Variants in ADA2 observed in about 807,000 individuals in gnomAD.
ADA2 encodes the protein adenosine deaminase 2.
Under a neutral mutation model 44.2 loss-of-function variants are expected in ADA2, and 29 were observed. The observed-to-expected ratio is 0.66, with a 90% CI of 0.49 to 0.89. The LOEUF (loss-of-function observed/expected upper bound fraction) is 0.89, where lower values mean the gene tolerates loss of function less well. ADA2 is among the 40% of genes least tolerant of loss of function. The pLI is 0.00. For missense variants in ADA2, 637 were observed against 644.8 expected (o/e 0.99, Z 0.13); for synonymous variants, 215 against 234.9 (o/e 0.92, Z 0.77).
In ADA2 at chr22:17,207,139, T is replaced by G. The variant is rs1317479109; in HGVS notation, c.474A>C (p.Lys158Asn). 6.2e-7 allele frequency: 1 copy of G among 1,614,102 alleles called. No homozygotes were observed. Among genetic ancestry groups the G allele is most frequent in the African/African-American group, 1.3e-5 (1 of 74,950 alleles). Residue 158 changes from lysine (K) to asparagine (N), a missense_variant, in exon 3 of 10, where the codon AAA (lysine) becomes AAC (asparagine). Transcript: ENST00000399837. ...FAHPTPRPSE[K>N]CSKWILLEDY... is the part of the protein sequence containing the mutation. Reference sequence around the variant, plus strand: ...CCTCCAGCAGAATCCACTTGGAACATTTTTCTGATGGACGGGGAGTTGGGT... The same window carrying G: ...CCTCCAGCAGAATCCACTTGGAACAGTTTTCTGATGGACGGGGAGTTGGGT...
In ADA2 at chr22:17,209,719, C is replaced by CTCTCCTTT; in HGVS notation, c.-43_-42insAAAGGAGA. ...GGAAAGGGCTCAGATGGAGACTCCA[C>CTCTCCTTT]GGGACTGCAAAGGAGAGTGGGGGAG... On this transcript the variant is annotated 5_prime_UTR_variant, in exon 2 of 10. Transcript: ENST00000399837. 1 of 1,531,768 alleles carries CTCTCCTTT rather than the reference C, an allele frequency of 6.5e-7. No homozygotes were observed. Among genetic ancestry groups the CTCTCCTTT allele is most frequent in the Non-Finnish European group, 8.9e-7 (1 of 1,121,100 alleles). 94.9% of individuals were successfully genotyped at this position (1,531,768 alleles called of 1,614,324 possible). A position where few individuals can be genotyped will look rare whatever the true frequency, so the allele number is the denominator to read the frequency against.
intron 1 of ADA2, chr22:17,213,891 T>C (rs2062443187): frequency 6.8e-6 from 2 of 295,028 alleles, no homozygotes; most frequent in Non-Finnish European, 1.3e-5. Context: ...TACAAAAAAT[T>C]AGCTGGGCGT....
chr22:17,193,225 C>T, intron 4 of ADA2: 1 of 1,125,084 alleles, frequency 8.9e-7, no homozygotes, highest in Admixed American at 1.8e-5. Flanking sequence ...CTCTAAGAAC[C>T]ACGAAGCCAT....
At chr22:17,198,667 C>T (rs969339764) in intron 4 of ADA2, 3 of 152,152 alleles carry the variant, frequency 2.0e-5, no homozygotes, top group African/African-American at 7.2e-5. Flanking sequence ...ACCGACGTGT[C>T]TCCCATAAGC....
intron 7 of ADA2, among the ~76,000 whole-genome samples, chr22:17,184,948 G>A (rs4998793): frequency 7.6e-4 from 3 of 3,950 alleles, no homozygotes; most frequent in South Asian, 4.7e-3. Flanking sequence ...TCACACCACC[G>A]CACTCTAGCC....
chr22:17,194,434 C>T (rs5748937), intron 4 of ADA2, among the ~76,000 whole-genome samples: 8,068 of 152,288 alleles, frequency 0.053, 282 homozygotes, highest in Admixed American at 0.094. Flanking sequence ...TGGGCAGTCC[C>T]TCAGATCCCC....
Position 17,207,090 on chromosome 22 carries a change from C to A in ADA2, c.523G>T (p.Val175Phe), listed in dbSNP as rs757839578. 1.2e-6 allele frequency: 2 copies of A among 1,614,104 alleles called. No homozygotes were observed. The highest frequency in any genetic ancestry group is 4.5e-5 in the East Asian group (2 of 44,886). ...ACTCACCTGTCATCAAACTCAGTGACGTTCTGCACCCGCTTCCGATAATCC... is the reference window on the plus strand; with the variant it reads ...ACTCACCTGTCATCAAACTCAGTGAAGTTCTGCACCCGCTTCCGATAATCC... ...LEDYRKRVQN[V>F]TEFDDSLLRN... is the part of the protein sequence containing the mutation. Residue 175 changes from valine (V) to phenylalanine (F), a missense_variant, in exon 3 of 10, where the codon GTC becomes TTC. Coordinates refer to ENST00000399837, the MANE Select transcript of ADA2 (RefSeq NM_001282225.2).
chr22:17,221,470 A>T (rs1203941770), upstream of ADA2, among the ~76,000 whole-genome samples: 4 of 147,960 alleles, frequency 2.7e-5, no homozygotes, highest in African/African-American at 7.4e-5. Context: ...CTGGTGTGTG[A>T]TGTTCCCCTT....
In ADA2 at chr22:17,199,888, T is replaced by C. The variant is rs2062254071; in HGVS notation, c.753+3675A>G. The C allele has an allele frequency of 7.3e-6, 4 of 550,498 alleles. No homozygotes were observed. The Admixed American group carries it at 1.5e-4, about 20-fold the overall frequency. The allele number at this position is 550,498 out of a possible 1,614,324, so 34.1% of individuals were successfully genotyped here. The stretch of plus-strand genomic sequence containing the variant: ...TGAGCTCAGGAGTTCCAGACCAGCC[T>C]GGGCAATATGGTAAAACCCCATCTC... On this transcript the variant is annotated intron_variant, in intron 4 of 9. Coordinates refer to ENST00000399837, the MANE Select transcript of ADA2 (RefSeq NM_001282225.2).
intron 4 of ADA2, among the ~76,000 whole-genome samples, chr22:17,194,019 G>GA (rs34572644): frequency 0.54 from 66,243 of 122,854 alleles, 16,292 homozygotes; most frequent in South Asian, 0.63. Context: ...AAAAAGGAAT[G>GA]AAAAAAAAAA....
At chr22:17,197,776 C>A (rs1218974149) in intron 4 of ADA2, among the ~76,000 whole-genome samples, 1 of 152,192 alleles carries the variant, frequency 6.6e-6, no homozygotes, top group South Asian at 2.1e-4. Context: ...CGGTGGCTCA[C>A]GCCTATAATC....
At chr22:17,201,113 G>A (rs1463001152) in intron 4 of ADA2, among the ~76,000 whole-genome samples, 2 of 151,780 alleles carry the variant, frequency 1.3e-5, no homozygotes, top group Non-Finnish European at 2.9e-5. Context: ...GGAGGCTGAG[G>A]CACGAGAATC....
At chr22:17,196,118 G>A (rs2062187593) in intron 4 of ADA2, among the ~76,000 whole-genome samples, 2 of 151,812 alleles carry the variant, frequency 1.3e-5, no homozygotes, top group African/African-American at 2.4e-5. Flanking sequence ...GGGCCAAGGC[G>A]AGTGGATCAC....
intron 4 of ADA2, among the ~76,000 whole-genome samples, chr22:17,201,260 A>G (rs1313557959): frequency 1.3e-5 from 2 of 152,100 alleles, no homozygotes; most frequent in Non-Finnish European, 2.9e-5. Context: ...CTGATGAAGC[A>G]TAAGTGTCTG....
rs1180307271 is a variant in ADA2 at position 17,181,368 on chromosome 22, C to T, written c.*115G>A. On this transcript the variant is annotated 3_prime_UTR_variant, in exon 10 of 10. Coordinates refer to ENST00000399837, the MANE Select transcript of ADA2 (RefSeq NM_001282225.2). The stretch of plus-strand genomic sequence containing the variant: ...GCCAGCCAAGTGCTTCTCACAGGGT[C>T]GCTCCATACAGAGGCCATTGATTTC... 18 of 741,618 alleles carry T rather than the reference C, an allele frequency of 2.4e-5. No individual in the cohort carries two copies. Among genetic ancestry groups the T allele is most frequent in the Admixed American group, 1.9e-4 (10 of 53,584 alleles). 45.9% of individuals were successfully genotyped at this position (741,618 alleles called of 1,614,324 possible).
intron 4 of ADA2, among the ~76,000 whole-genome samples, chr22:17,197,786 C>T (rs1040882416): frequency 1.8e-4 from 27 of 152,182 alleles, no homozygotes; most frequent in Admixed American, 1.7e-3. Flanking sequence ...CGCCTATAAT[C>T]CTAGCACTTT....
At chr22:17,189,006 A>C (rs9606643) in intron 6 of ADA2, among the ~76,000 whole-genome samples, 116,685 of 142,892 alleles carry the variant, frequency 0.82, 47,890 homozygotes, top group Middle Eastern at 0.88. Context: ...ACTGCCCTGG[A>C]CTAATCTAGA....
intron 4 of ADA2, chr22:17,199,863 T>C (rs1328832954): frequency 4.8e-6 from 4 of 835,140 alleles, no homozygotes; most frequent in Non-Finnish European, 6.7e-6. Context: ...TGTATTTGCC[T>C]GAGCTCAGGA....
At chr22:17,188,504 T>C (rs1272888718) in intron 6 of ADA2, 57 bp from the exon 7 acceptor site, 3 of 1,183,028 alleles carry the variant, frequency 2.5e-6, no homozygotes, top group African/African-American at 3.0e-5. Flanking sequence ...CACTTGCTGA[T>C]GGCGCGCCCT....
Sources: gnomAD v4.1 joint callset for allele counts (sites outside exome capture counted in the v4.1 genomes callset) on GRCh38, gnomAD v4.1.1 for gene constraint, MANE v1.5 for transcripts, NCBI Gene and HGNC (gene_info 2026-07-23, HGNC 2026-07-21) for gene names.